Variants in WDR43 observed in about 807,000 individuals in gnomAD.
The protein encoded by WDR43 is WD repeat-containing protein 43.
In WDR43, 13 loss-of-function variants were observed where a neutral mutation model predicts 91.4. The ratio of observed to expected loss-of-function variants is 0.14; its 90% CI spans 0.09 to 0.23. WDR43 has a LOEUF of 0.23. Among genes scored for constraint, WDR43 ranks in the 10% least tolerant of loss-of-function variants. WDR43 has a pLI of 1.00. For synonymous variants in WDR43, 331 were observed against 287.9 expected (o/e 1.15, Z -1.51); for missense variants, 780 against 809.4 (o/e 0.96, Z 0.44).
intron 8 of WDR43, 125 bp downstream of exon 8, chr2:28,925,278 T>C (rs1671106983): frequency 3.9e-6 from 4 of 1,015,344 alleles, no homozygotes; most frequent in Non-Finnish European, 5.4e-6. Context: ...TTAAAGGATT[T>C]CTTCATGGAG....
intron 14 of WDR43, 134 bp downstream of exon 14, chr2:28,938,128 G>T: frequency 1.1e-6 from 1 of 946,666 alleles, no homozygotes; most frequent in Non-Finnish European, 1.6e-6. Context: ...TTCCTTTAGA[G>T]ATTTTGTTTT....
At chr2:28,935,702 ACATGG>A (rs894233176) in intron 12 of WDR43, 95 bp downstream of exon 12, 57 of 703,056 alleles carry the variant, frequency 8.1e-5, no homozygotes, top group Admixed American at 7.0e-4. Context: ...ACGTAAGGAC[ACATGG>A]CATTTAGAGT....
chr2:28,946,438 C>G lies in WDR43; in HGVS notation c.1805-12C>G, dbSNP rs1432755381. 1 of 1,604,960 alleles carries G rather than the reference C, an allele frequency of 6.2e-7. No individual in the cohort carries two copies. Among genetic ancestry groups the G allele is most frequent in the Non-Finnish European group, 8.5e-7 (1 of 1,175,718 alleles). On this transcript the variant is annotated splice_polypyrimidine_tract_variant and intron_variant, in intron 16 of 17. Coordinates refer to ENST00000407426, the MANE Select transcript of WDR43 (RefSeq NM_015131.3). ...TTCTAAAATTAAGGCTGGGTTCTTT[C>G]TCCCCTTACAGAGTCTTCTGAAGAG...
At chr2:28,930,935 A>G (rs1344855950) in intron 11 of WDR43, among the ~76,000 whole-genome samples, 1 of 152,218 alleles carries the variant, frequency 6.6e-6, no homozygotes, top group East Asian at 1.9e-4. Flanking sequence ...ATCCATAAAT[A>G]TGCCCCATTC....
At chr2:28,910,664 C>T (rs1040487865) in intron 3 of WDR43, among the ~76,000 whole-genome samples, 4 of 107,668 alleles carry the variant, frequency 3.7e-5, no homozygotes, top group South Asian at 3.4e-4. Context: ...AGATAACGTG[C>T]GTGTGTGTGT....
chr2:28,943,906 A>G (rs964634459), intron 16 of WDR43, among the ~76,000 whole-genome samples: 6 of 152,108 alleles, frequency 3.9e-5, no homozygotes, highest in African/African-American at 1.2e-4. Flanking sequence ...CTTTTTAGAG[A>G]GCAACTTTGT....
intron 11 of WDR43, among the ~76,000 whole-genome samples, chr2:28,931,552 T>G (rs7561164): frequency 0.19 from 28,779 of 152,166 alleles, 3,328 homozygotes; most frequent in Non-Finnish European, 0.27. Flanking sequence ...TTTAACACAT[T>G]GCTCTGTTTA....
intron 6 of WDR43, among the ~76,000 whole-genome samples, chr2:28,921,329 T>C (rs542760087): frequency 9.2e-5 from 14 of 152,162 alleles, no homozygotes; most frequent in Non-Finnish European, 1.6e-4. Flanking sequence ...GGTTTCACCA[T>C]GTTGGCCAGG....
At position 28,924,973 on chromosome 2, in the gene WDR43, C is replaced by A; in HGVS notation, c.915-9C>A. 2 of 1,603,908 alleles carry A rather than the reference C, an allele frequency of 1.2e-6. No homozygotes were observed. The highest frequency in any genetic ancestry group is 1.7e-6 in the Non-Finnish European group (2 of 1,175,612). ...AATTCTTTAATCTCATTTCCCCCTC[C>A]ATTTCCAGGTACTGCAAAAAGCCTT... On this transcript the variant is annotated splice_polypyrimidine_tract_variant and intron_variant, in intron 7 of 17. Transcript: ENST00000407426.
chr2:28,927,028 A>G (rs770120238), intron 9 of WDR43: 2 of 517,692 alleles, frequency 3.9e-6, no homozygotes, highest in African/African-American at 1.9e-5. Context: ...CATGTAGGGG[A>G]CGTGTTTCGT....
At chr2:28,935,978 A>G (rs1226350002) in intron 12 of WDR43, among the ~76,000 whole-genome samples, 1 of 152,158 alleles carries the variant, frequency 6.6e-6, no homozygotes, top group Admixed American at 6.5e-5. Context: ...TTTTCCCAGT[A>G]TGTCCTGTGA....
intron 11 of WDR43, among the ~76,000 whole-genome samples, chr2:28,935,241 C>T (rs552973712): frequency 6.4e-4 from 98 of 152,146 alleles, no homozygotes; most frequent in African/African-American, 2.2e-3. Context: ...TGTATTCAAA[C>T]GTCTAGAGAT....
At chr2:28,907,489 G>A (rs1670705398) in intron 3 of WDR43, among the ~76,000 whole-genome samples, 1 of 148,822 alleles carries the variant, frequency 6.7e-6, no homozygotes, top group African/African-American at 2.5e-5. Context: ...TGGCATGCAT[G>A]GCCTGTGGCC....
intron 16 of WDR43, among the ~76,000 whole-genome samples, chr2:28,942,862 A>G (rs1024621018): frequency 1.3e-5 from 2 of 152,056 alleles, no homozygotes; most frequent in Admixed American, 6.6e-5. Flanking sequence ...AGTGATCCCA[A>G]TGTGCTTGGA....
intron 2 of WDR43, chr2:28,904,919 T>C (rs561752746): frequency 6.6e-6 from 1 of 152,326 alleles, no homozygotes; most frequent in African/African-American, 2.4e-5. Flanking sequence ...TACATAAAGC[T>C]AAAAATGGTA....
chr2:28,929,552 A>G lies in WDR43; in HGVS notation c.1306-27A>G, dbSNP rs569937318. On this transcript the variant is annotated intron_variant, in intron 10 of 17. Coordinates refer to ENST00000407426, the MANE Select transcript of WDR43 (RefSeq NM_015131.3). The stretch of plus-strand genomic sequence containing the variant: ...ACTACTTTAAGTCTTGTCTGGTAAC[A>G]CATTAACAATCCTTTCTGTTCTGTA... 2.3e-5 allele frequency: 35 copies of G among 1,553,574 alleles called. No homozygotes were observed. In the East Asian group the frequency reaches 7.4e-4, roughly 33 times the overall value.
At position 28,947,661 on chromosome 2, in the gene WDR43, A is replaced by C. The variant is rs1045167445; in HGVS notation, c.*882A>C. On this transcript the variant is annotated 3_prime_UTR_variant, in exon 18 of 18. Transcript: ENST00000407426. ...TTTTTCTCTTTGGTTTTAGATATTA[A>C]TGATAACCTTGTTGGAATTTTTTTT... 1 of 151,972 alleles carries C rather than the reference A, an allele frequency of 6.6e-6. No individual in the cohort carries two copies. 9.4% of individuals were successfully genotyped at this position (151,972 alleles called of 1,614,324 possible).
intron 9 of WDR43, chr2:28,927,015 C>G (rs181132373): frequency 1.9e-6 from 1 of 515,324 alleles, no homozygotes; most frequent in Admixed American, 1.9e-5. Flanking sequence ...AACTTGGTGT[C>G]TACATGTAGG....
intron 11 of WDR43, among the ~76,000 whole-genome samples, chr2:28,930,507 AT>A (rs1336075773): frequency 5.9e-5 from 9 of 152,132 alleles, no homozygotes; most frequent in African/African-American, 1.4e-4. Flanking sequence ...TATTTGATCC[AT>A]TTTTTTAGGG....
Sources: allele counts gnomAD v4.1 joint callset (sites outside exome capture counted in the v4.1 genomes callset), GRCh38; gene constraint gnomAD v4.1.1; transcripts MANE v1.5; gene names NCBI Gene and HGNC (gene_info 2026-07-23, HGNC 2026-07-21).